The following CRHR2 variants were observed in gnomAD, a reference collection of about 807,000 sequenced individuals.
The protein encoded by CRHR2 is corticotropin releasing hormone receptor 2.
A neutral mutation model predicts 57.9 loss-of-function variants in CRHR2; 53 were observed. The observed-to-expected ratio is 0.92, with a 90% CI of 0.73 to 1.15. CRHR2 has a LOEUF of 1.15. CRHR2 is among the 50% of genes most tolerant of loss of function. The pLI, the probability that CRHR2 is intolerant of heterozygous loss-of-function variation, is 0.00. For missense variants in CRHR2, 532 were observed against 542.6 expected, an observed-to-expected ratio of 0.98 and a Z score of 0.19; for synonymous variants, 213 against 220.9, an observed-to-expected ratio of 0.96 and a Z score of 0.32.
At chr7:30,676,238 T>C (rs1159601839) in intron 2 of CRHR2, among the ~76,000 whole-genome samples, 3 of 152,174 alleles carry the variant, frequency 2.0e-5, no homozygotes, top group African/African-American at 7.2e-5. Flanking sequence ...CCACTTCTGC[T>C]CTATTTCTCT....
rs548124161 is a variant in CRHR2, at chr7:30,665,247, C to G, written c.426-60G>C. 6.9e-7 allele frequency: 1 copy of G among 1,438,888 alleles called. No homozygotes were observed. The highest frequency in any genetic ancestry group is 2.3e-5 in the East Asian group (1 of 43,878). 89.1% of individuals were successfully genotyped at this position (1,438,888 alleles called of 1,614,324 possible). The stretch of plus-strand genomic sequence containing the variant: ...CAGGGGTCAACTGGGACTGGGTTCC[C>G]CCTGAGGCCAGGTAGAGACTCAGCC... On this transcript the variant is annotated intron_variant, in intron 4 of 11. Transcript: ENST00000471646. The surrounding 1 kb of genome is among the most constrained non-coding windows in gnomAD (Gnocchi z 4.5).
At chr7:30,660,173 A>T (rs1394816698) in intron 8 of CRHR2, among the ~76,000 whole-genome samples, 1 of 152,080 alleles carries the variant, frequency 6.6e-6, no homozygotes, top group African/African-American at 2.4e-5. Context: ...CTGGACCTGG[A>T]GAGGGTCACT....
chr7:30,672,761 C>A (rs1333856494), intron 2 of CRHR2, among the ~76,000 whole-genome samples: 1 of 152,214 alleles, frequency 6.6e-6, no homozygotes, highest in Non-Finnish European at 1.5e-5. Context: ...GGCATGAAAG[C>A]TTTGACTGTT....
At chr7:30,694,472 G>T (rs1295477033) in intron 1 of CRHR2, among the ~76,000 whole-genome samples, 1 of 152,242 alleles carries the variant, frequency 6.6e-6, no homozygotes, top group African/African-American at 2.4e-5. Context: ...GAACCTGGGG[G>T]TCTGGCCCAG....
chr7:30,653,713 G>A lies in CRHR2; in HGVS notation c.1096-113C>T. The A allele has an allele frequency of 7.6e-7, 1 of 1,315,726 alleles. No homozygotes were observed. Among genetic ancestry groups the A allele is most frequent in the Non-Finnish European group, 1.0e-6 (1 of 986,948 alleles). The allele number at this position is 1,315,726 out of a possible 1,614,324, so 81.5% of individuals were successfully genotyped here. A position where few individuals can be genotyped will look rare whatever the true frequency, so the allele number is the denominator to read the frequency against. ...GGTCGACTGCCACCCTCATGACAAG[G>A]AACTGTCTGCTTCCAAAACAGGTCC... On this transcript the variant is annotated intron_variant, in intron 11 of 11. Transcript: ENST00000471646. This position sits in a 1 kb window ranked among gnomAD's most constrained non-coding sequence, Gnocchi z 5.0.
chr7:30,666,609 A>G (rs746398434), intron 3 of CRHR2, among the ~76,000 whole-genome samples: 10 of 152,166 alleles, frequency 6.6e-5, no homozygotes, highest in Non-Finnish European at 1.0e-4. Flanking sequence ...TTTCCCTCTC[A>G]ATTTGGACTT....
intron 8 of CRHR2, among the ~76,000 whole-genome samples, chr7:30,658,203 G>A (rs1045720434): frequency 3.3e-5 from 5 of 152,118 alleles, no homozygotes; most frequent in African/African-American, 7.2e-5. Flanking sequence ...TGAGCTCTCC[G>A]GCTTTCCATT....
At chr7:30,678,440 C>T (rs959364306) in intron 2 of CRHR2, among the ~76,000 whole-genome samples, 6 of 152,306 alleles carry the variant, frequency 3.9e-5, no homozygotes, top group South Asian at 2.1e-4. Flanking sequence ...CAAGGAGACT[C>T]GTGTGCTTAA....
At chr7:30,681,819 A>G in intron 2 of CRHR2, 96 bp downstream of exon 2, 1 of 1,459,520 alleles carries the variant, frequency 6.9e-7, no homozygotes, top group Non-Finnish European at 9.0e-7. Flanking sequence ...GGCCGTCAGC[A>G]GCTTTGTACC....
intron 1 of CRHR2, among the ~76,000 whole-genome samples, chr7:30,694,822 G>T (rs1030043490): frequency 1.3e-5 from 2 of 151,258 alleles, no homozygotes; most frequent in East Asian, 3.9e-4. Context: ...GGAAAAGAGG[G>T]GAGGAGGAGT....
intron 11 of CRHR2, among the ~76,000 whole-genome samples, chr7:30,654,051 C>T (rs1040145747): frequency 6.6e-6 from 1 of 152,162 alleles, no homozygotes; most frequent in African/African-American, 2.4e-5. Flanking sequence ...CTCTGCACCC[C>T]TCCACCTTCT....
At chr7:30,659,798 C>T (rs1783925687) in intron 8 of CRHR2, among the ~76,000 whole-genome samples, 1 of 152,248 alleles carries the variant, frequency 6.6e-6, no homozygotes. Flanking sequence ...GGAGATGGCA[C>T]TCTCGCTGAG....
intron 3 of CRHR2, among the ~76,000 whole-genome samples, chr7:30,666,735 C>T (rs1226840472): frequency 1.3e-5 from 2 of 152,222 alleles, no homozygotes; most frequent in East Asian, 1.9e-4. Context: ...GAGAGGAGTT[C>T]GGTGCCTCAG....
At chr7:30,664,495 G>A (rs927170442) in intron 5 of CRHR2, among the ~76,000 whole-genome samples, 4 of 152,180 alleles carry the variant, frequency 2.6e-5, no homozygotes, top group African/African-American at 9.7e-5. Context: ...GCTCAACAGA[G>A]GTTAGTTCTA....
At chr7:30,681,835 G>C (rs1008287925) in intron 2 of CRHR2, 80 bp downstream of exon 2, 28 of 1,506,794 alleles carry the variant, frequency 1.9e-5, no homozygotes, top group Non-Finnish European at 2.4e-5. Context: ...GTACCGCTGG[G>C]TCCGGAATCC....
chr7:30,692,897 T>C (rs1258417167), intron 1 of CRHR2, among the ~76,000 whole-genome samples: 3 of 152,100 alleles, frequency 2.0e-5, no homozygotes, highest in Non-Finnish European at 1.5e-5. Flanking sequence ...CCCAGTCAGT[T>C]GGTAGGTTAT....
intron 5 of CRHR2, among the ~76,000 whole-genome samples, chr7:30,664,485 G>T (rs568831265): frequency 6.6e-6 from 1 of 152,328 alleles, no homozygotes; most frequent in South Asian, 2.1e-4. Flanking sequence ...GTGAGAGAAA[G>T]CTCAACAGAG....
chr7:30,662,338 C>T (rs1319010814), intron 6 of CRHR2, 122 bp from the exon 7 acceptor site: 2 of 1,149,680 alleles, frequency 1.7e-6, no homozygotes, highest in Admixed American at 2.0e-5. Context: ...AGCAGGCCAC[C>T]CACAACCCCA....
chr7:30,653,336 C>T lies in CRHR2; in HGVS notation c.*124G>A. 1 of 1,402,210 alleles carries T rather than the reference C, an allele frequency of 7.1e-7. No individual in the cohort carries two copies. Among genetic ancestry groups the T allele is most frequent in the Non-Finnish European group, 9.6e-7 (1 of 1,041,214 alleles). 86.9% of individuals were successfully genotyped at this position (1,402,210 alleles called of 1,614,324 possible). On this transcript the variant is annotated 3_prime_UTR_variant, in exon 12 of 12. Coordinates refer to ENST00000471646, the MANE Select transcript of CRHR2 (RefSeq NM_001883.5). The surrounding 1 kb of genome is among the most constrained non-coding windows in gnomAD (Gnocchi z 5.0). ...TGGCTGCCGCACCCCCTCTTTCCTG[C>T]CAGGCTGGAGAGCTGGTCTCTCCCC...
Sources: allele counts gnomAD v4.1 joint callset (sites outside exome capture counted in the v4.1 genomes callset), GRCh38; gene constraint gnomAD v4.1.1; non-coding constraint Gnocchi (gnomAD v3.1); transcripts MANE v1.5; gene names NCBI Gene and HGNC (gene_info 2026-07-23, HGNC 2026-07-21).